CIT: variants seen among roughly 807,000 people sequenced by gnomAD.
The protein encoded by CIT is citron rho-interacting serine/threonine kinase.
CIT carries 79 observed loss-of-function variants against 272.7 expected under a neutral mutation model. The observed-to-expected ratio is 0.29, with a 90% CI of 0.24 to 0.35. CIT has a LOEUF of 0.35. CIT is among the 10% of genes least tolerant of loss of function. The probability of loss-of-function intolerance (pLI) is 1.00; values close to 1 mark genes in which losing one functional copy is unlikely to be tolerated. For synonymous variants in CIT, 948 were observed against 995.6 expected (o/e 0.95, Z 0.90); for missense variants, 1,909 against 2,618.3 (o/e 0.73, Z 5.91).
Position 119,708,210 on chromosome 12 carries a change from A to C in CIT, c.5180T>G (p.Val1727Gly). Residue 1727 changes from valine to glycine, a missense_variant, in exon 40 of 48, where the codon GTC (valine) becomes GGC (glycine). This residue lies in a region of CIT where 780 missense variants were observed against 1,067.2 expected (regional missense o/e 0.73). Transcript: ENST00000392521. ...TGCCCCAAACAAGTGGCAGCCCTTG[A>C]CAGCTTCAAAAATGTTGGGTGAGAT... ...PDISPNIFEA[V>G]KGCHLFGAGK... 1 of 1,603,638 alleles carries C rather than the reference A, an allele frequency of 6.2e-7. No individual in the cohort carries two copies. Among genetic ancestry groups the C allele is most frequent in the Non-Finnish European group, 8.5e-7 (1 of 1,175,434 alleles).
chr12:119,791,874 C>T (rs1965339649), intron 10 of CIT, among the ~76,000 whole-genome samples: 1 of 152,222 alleles, frequency 6.6e-6, no homozygotes, highest in Non-Finnish European at 1.5e-5. Context: ...CAGGCATGGT[C>T]ATTACCGCTG....
intron 9 of CIT, among the ~76,000 whole-genome samples, chr12:119,814,943 CAGG>C (rs1388595303): frequency 3.3e-5 from 5 of 150,340 alleles, no homozygotes; most frequent in Non-Finnish European, 7.4e-5. Context: ...GAGGCTGAGG[CAGG>C]AGAATTGCTT....
At position 119,712,314 on chromosome 12, in the gene CIT, G is replaced by A. The variant is rs1472431033; in HGVS notation, c.4718C>T (p.Pro1573Leu). 3.7e-6 allele frequency: 6 copies of A among 1,613,506 alleles called. No homozygotes were observed. Among genetic ancestry groups the A allele is most frequent in the East Asian group, 4.5e-5 (2 of 44,892 alleles). Residue 1573 changes from proline (P) to leucine (L), a missense_variant, in exon 37 of 48, where the codon CCG becomes CTG. Physicochemically the swap from Pro to Leu is moderately conservative, Grantham distance 98. Transcript: ENST00000392521. This position sits in a 1 kb window ranked among gnomAD's most constrained non-coding sequence, Gnocchi z 5.2. Reference protein sequence around the residue: ...VPYILKMESHPHTTCWPGRTL... With the variant: ...VPYILKMESHLHTTCWPGRTL... ...TCTCCCGGGCCAGCAGGTGGTGTGCGGGTGAGATTCCATCTTCAGTATGTA... is the reference window on the plus strand; with the variant it reads ...TCTCCCGGGCCAGCAGGTGGTGTGCAGGTGAGATTCCATCTTCAGTATGTA...
chr12:119,857,922 G>A (rs1950220221), intron 3 of CIT, among the ~76,000 whole-genome samples: 1 of 152,154 alleles, frequency 6.6e-6, no homozygotes, highest in Non-Finnish European at 1.5e-5. Context: ...CAGTTTCCAT[G>A]GCAGCTACAA....
chr12:119,840,979 G>A (rs530770545), intron 5 of CIT, among the ~76,000 whole-genome samples: 5 of 152,120 alleles, frequency 3.3e-5, no homozygotes, highest in South Asian at 2.1e-4. Flanking sequence ...GGAAACAAAC[G>A]CTGCCCATAA....
intron 3 of CIT, among the ~76,000 whole-genome samples, chr12:119,859,886 C>G (rs574390735): frequency 6.6e-6 from 1 of 152,282 alleles, no homozygotes; most frequent in Non-Finnish European, 1.5e-5. Flanking sequence ...AGAATCATAA[C>G]TCACTGCAGC....
intron 43 of CIT, 54 bp downstream of exon 43, chr12:119,701,570 G>A: frequency 1.3e-6 from 2 of 1,594,126 alleles, no homozygotes; most frequent in Non-Finnish European, 1.7e-6. Flanking sequence ...ACCCCTCATG[G>A]GTCCCTAGTG....
At chr12:119,717,406 T>A (rs1052885492) in intron 32 of CIT, among the ~76,000 whole-genome samples, 4 of 124,136 alleles carry the variant, frequency 3.2e-5, no homozygotes, top group Admixed American at 8.4e-5. Context: ...CATATTCTTT[T>A]TTCTTTTCTT....
chr12:119,806,394 G>A (rs992167548), intron 9 of CIT, among the ~76,000 whole-genome samples: 1 of 152,138 alleles, frequency 6.6e-6, no homozygotes, highest in Non-Finnish European at 1.5e-5. Flanking sequence ...GTGATGAGAT[G>A]TTTACCCTTG....
At position 119,781,256 on chromosome 12, in the gene CIT, G is replaced by A. The variant is rs148744869; in HGVS notation, c.1665+1262C>T. On this transcript the variant is annotated intron_variant, in intron 13 of 47. Coordinates refer to ENST00000392521, the MANE Select transcript of CIT (RefSeq NM_001206999.2). ...ATCCTTTACAGGGTTTCCGTCCTAT[G>A]CACGTTTATTTATAATGTTTTTATC... is the stretch of plus-strand genomic sequence containing the variant. 5.3e-5 allele frequency among the ~76,000 whole-genome samples: 8 copies of A among 152,304 alleles called. No individual in the cohort carries two copies. In the East Asian group the frequency reaches 1.5e-3, roughly 29 times the overall value.
chr12:119,744,804 A>G (rs539445590), intron 23 of CIT, among the ~76,000 whole-genome samples: 1 of 152,196 alleles, frequency 6.6e-6, no homozygotes, highest in Admixed American at 6.5e-5. Flanking sequence ...TTTTTCCATA[A>G]ATACTATTGT....
At chr12:119,820,862 T>A (rs903491297) in intron 9 of CIT, among the ~76,000 whole-genome samples, 9 of 151,966 alleles carry the variant, frequency 5.9e-5, no homozygotes, top group African/African-American at 2.2e-4. Flanking sequence ...CCTAGCTACT[T>A]AGGAGGCTGA....
chr12:119,843,228 G>A (rs575390731), intron 5 of CIT, among the ~76,000 whole-genome samples: 15 of 152,318 alleles, frequency 9.8e-5, no homozygotes, highest in Admixed American at 9.2e-4. Flanking sequence ...GGGGACAAGT[G>A]CAAGAAAGGC....
chr12:119,803,145 C>CCA, intron 10 of CIT, 61 bp downstream of exon 10: 1 of 797,056 alleles, frequency 1.3e-6, no homozygotes, highest in Non-Finnish European at 1.8e-6. Flanking sequence ...CCACCACCAC[C>CCA]TTTGGCTCCA....
intron 23 of CIT, among the ~76,000 whole-genome samples, chr12:119,745,993 A>T (rs1959339996): frequency 6.6e-6 from 1 of 152,002 alleles, no homozygotes; most frequent in Non-Finnish European, 1.5e-5. Flanking sequence ...ATAATGAGAG[A>T]TTTATTCCTT....
chr12:119,700,811 C>A lies in CIT; in HGVS notation c.5557G>T (p.Val1853Leu), dbSNP rs1460700555. Residue 1853 changes from valine (V) to leucine (L), a missense_variant, in exon 44 of 48, where the codon GTG becomes TTG. This residue lies in a region of CIT where 780 missense variants were observed against 1,067.2 expected (regional missense o/e 0.73). Transcript: ENST00000392521. ...CGGCTACGTCTTCCGTAAGAATCCA[C>A]GAACACTCCAAATTCTGCAAGGTGT... ...LLCFHEFGVF[V>L]DSYGRRSRTD... The A allele has an allele frequency of 1.9e-6, 3 of 1,613,724 alleles. No homozygotes were observed. The highest frequency in any genetic ancestry group is 2.5e-6 in the Non-Finnish European group (3 of 1,179,882).
rs138075804 is a variant in CIT at position 119,775,409 on chromosome 12, G to T, written c.1941+377C>A. 4.8e-3 allele frequency among the ~76,000 whole-genome samples: 730 copies of T among 152,282 alleles called. 5 individuals carry two copies. The highest frequency in any genetic ancestry group is 0.017 in the African/African-American group (698 of 41,550). ...AACCCCATGGCTCCTCCAGCCTTCT[G>T]CAGGGCAGGCCTCCTGCTGGCAGAA... On this transcript the variant is annotated intron_variant, in intron 16 of 47. Coordinates refer to ENST00000392521, the MANE Select transcript of CIT (RefSeq NM_001206999.2).
chr12:119,708,324 C>T lies in CIT; in HGVS notation c.5072-6G>A. 1 of 1,575,280 alleles carries T rather than the reference C, an allele frequency of 6.3e-7. No individual in the cohort carries two copies. Among genetic ancestry groups the T allele is most frequent in the South Asian group, 1.2e-5 (1 of 85,304 alleles). ...ACACAGTGCCCGCTCTTCTCCTGAA[C>T]AGGAAAAGGAACAACCTCTCGTCAG... is the stretch of plus-strand genomic sequence containing the variant. On this transcript the variant is annotated splice_region_variant and splice_polypyrimidine_tract_variant and intron_variant, in intron 39 of 47. Transcript: ENST00000392521.
At chr12:119,726,766 C>T (rs965372280) in intron 28 of CIT, among the ~76,000 whole-genome samples, 42 of 152,042 alleles carry the variant, frequency 2.8e-4, no homozygotes, top group African/African-American at 9.7e-4. Flanking sequence ...AAGAACAAAG[C>T]GGAATCATCA....
Sources: allele counts gnomAD v4.1 joint callset (sites outside exome capture counted in the v4.1 genomes callset), GRCh38; gene constraint gnomAD v4.1.1; regional missense constraint gnomAD v4.1.1; non-coding constraint Gnocchi (gnomAD v3.1); transcripts MANE v1.5; gene names NCBI Gene and HGNC (gene_info 2026-07-23, HGNC 2026-07-21).